The following FHIP1A variants were observed in gnomAD, a reference collection of about 807,000 sequenced individuals.
The protein encoded by FHIP1A is FHF complex subunit HOOK-interacting protein 1A.
FHIP1A carries 61 observed loss-of-function variants against 88.6 expected under a neutral mutation model. That is an observed-to-expected ratio of 0.69 (90% CI 0.56 to 0.85). The LOEUF is 0.85. Among genes scored for constraint, FHIP1A ranks in the 40% least tolerant of loss-of-function variants. The pLI, the probability that FHIP1A is intolerant of heterozygous loss-of-function variation, is 0.00. For missense variants in FHIP1A, 1,154 were observed against 1,273.5 expected (o/e 0.91, Z 1.43); for synonymous variants, 478 against 496.0 (o/e 0.96, Z 0.48).
chr4:151,644,829 C>A (rs1327224627), intron 9 of FHIP1A, among the ~76,000 whole-genome samples: 1 of 152,140 alleles, frequency 6.6e-6, no homozygotes, highest in African/African-American at 2.4e-5. Flanking sequence ...TCCTGTGGTG[C>A]TAGAGCAGCA....
At chr4:151,507,293 T>G (rs1395995503) in intron 3 of FHIP1A, among the ~76,000 whole-genome samples, 2 of 152,150 alleles carry the variant, frequency 1.3e-5, no homozygotes, top group Admixed American at 1.3e-4. Context: ...CTGGCTAATT[T>G]TTAAATTTTT....
intron 4 of FHIP1A, among the ~76,000 whole-genome samples, chr4:151,567,693 T>C (rs143517519): frequency 0.013 from 1,918 of 152,238 alleles, 39 homozygotes; most frequent in African/African-American, 0.044. Flanking sequence ...TTTTAGAAGG[T>C]CTGTTTCTAT....
At chr4:151,551,709 T>C (rs901848408) in intron 3 of FHIP1A, among the ~76,000 whole-genome samples, 1 of 152,174 alleles carries the variant, frequency 6.6e-6, no homozygotes, top group Non-Finnish European at 1.5e-5. Flanking sequence ...ACTTAAATGT[T>C]AGATCTAAAA....
chr4:151,445,598 G>C (rs1728569046), intron 1 of FHIP1A, among the ~76,000 whole-genome samples: 1 of 151,734 alleles, frequency 6.6e-6, no homozygotes, highest in South Asian at 2.1e-4. Context: ...GGCTTATTAT[G>C]AATAATAAAA....
chr4:151,502,808 C>T (rs1420103359), intron 3 of FHIP1A, among the ~76,000 whole-genome samples: 2 of 152,214 alleles, frequency 1.3e-5, no homozygotes, highest in East Asian at 1.9e-4. Flanking sequence ...TAAAAACACT[C>T]TACTGGCTGC....
chr4:151,530,403 ACC>A (rs1731829606), intron 3 of FHIP1A, among the ~76,000 whole-genome samples: 1 of 152,138 alleles, frequency 6.6e-6, no homozygotes, highest in Admixed American at 6.5e-5. Context: ...GAAAGTGGGT[ACC>A]CATGTGGCTC....
At chr4:151,477,576 G>A (rs1729752781) in intron 2 of FHIP1A, among the ~76,000 whole-genome samples, 1 of 148,494 alleles carries the variant, frequency 6.7e-6, no homozygotes, top group South Asian at 2.1e-4. Flanking sequence ...GAAAATTGGG[G>A]AAAATATTTG....
intron 4 of FHIP1A, among the ~76,000 whole-genome samples, chr4:151,574,302 G>A (rs1235416648): frequency 6.6e-6 from 1 of 152,164 alleles, no homozygotes; most frequent in African/African-American, 2.4e-5. Context: ...TATAAAGAGG[G>A]TAAAGATGCT....
At chr4:151,608,636 G>C (rs754390787) in intron 7 of FHIP1A, among the ~76,000 whole-genome samples, 12 of 152,148 alleles carry the variant, frequency 7.9e-5, no homozygotes, top group Non-Finnish European at 1.6e-4. Context: ...TGCTATTAAT[G>C]CTCCTTCGCT....
chr4:151,547,394 A>G (rs1732546154), intron 3 of FHIP1A, among the ~76,000 whole-genome samples: 2 of 152,340 alleles, frequency 1.3e-5, no homozygotes, highest in South Asian at 4.1e-4. Flanking sequence ...TGTTCTTAGA[A>G]CTTTCTTAAA....
intron 5 of FHIP1A, among the ~76,000 whole-genome samples, chr4:151,586,245 A>G (rs1226384040): frequency 6.6e-6 from 1 of 151,992 alleles, no homozygotes; most frequent in Non-Finnish European, 1.5e-5. Context: ...CTGTATTTGC[A>G]CTTGATGTAT....
chr4:151,526,775 C>T (rs1207694227), intron 3 of FHIP1A, among the ~76,000 whole-genome samples: 1 of 149,954 alleles, frequency 6.7e-6, no homozygotes, highest in African/African-American at 2.5e-5. Context: ...GATGGGGCGG[C>T]TGCCGGGCGG....
chr4:151,425,921 A>G (rs1382331792), intron 1 of FHIP1A, among the ~76,000 whole-genome samples: 5 of 152,144 alleles, frequency 3.3e-5, no homozygotes, highest in Non-Finnish European at 7.3e-5. Context: ...ATGTTATTGC[A>G]TTTAGGGCCT....
intron 4 of FHIP1A, among the ~76,000 whole-genome samples, chr4:151,566,677 C>T (rs6853342): frequency 0.12 from 18,855 of 151,002 alleles, 1,279 homozygotes; most frequent in African/African-American, 0.18. Context: ...TAATTATATC[C>T]TCTCTCTCTC....
chr4:151,538,125 T>C (rs1355814295), intron 3 of FHIP1A, among the ~76,000 whole-genome samples: 4 of 152,130 alleles, frequency 2.6e-5, no homozygotes, highest in Non-Finnish European at 5.9e-5. Context: ...CCTTAGACCA[T>C]AGTAGTAGTG....
At chr4:151,465,898 C>T (rs181793997) in intron 2 of FHIP1A, among the ~76,000 whole-genome samples, 113 of 152,278 alleles carry the variant, frequency 7.4e-4, no homozygotes, top group African/African-American at 1.9e-3. Context: ...CTATCTATGA[C>T]AAACCCATCC....
rs185683986 is a variant in FHIP1A, at chr4:151,540,724, A to G, written c.-122-25414A>G. ...ATATTAACAGTCAGCTTATATGGCCAAATCTTTGTTCTGCTCCCATTGTAT... is the reference window on the plus strand; with the variant it reads ...ATATTAACAGTCAGCTTATATGGCCGAATCTTTGTTCTGCTCCCATTGTAT... On this transcript the variant is annotated intron_variant, in intron 3 of 13. Transcript: ENST00000435205. 1.6e-3 allele frequency among the ~76,000 whole-genome samples: 243 copies of G among 152,324 alleles called. 1 individual carries two copies. Among genetic ancestry groups the G allele is most frequent in the African/African-American group, 5.3e-3 (222 of 41,566 alleles).
chr4:151,458,444 A>G (rs1203513678), intron 2 of FHIP1A, among the ~76,000 whole-genome samples: 1 of 152,028 alleles, frequency 6.6e-6, no homozygotes, highest in Non-Finnish European at 1.5e-5. Flanking sequence ...GTACTTTGGG[A>G]AGTGATTTCT....
intron 2 of FHIP1A, among the ~76,000 whole-genome samples, chr4:151,460,504 G>A (rs1286698617): frequency 1.3e-5 from 2 of 152,222 alleles, no homozygotes; most frequent in African/African-American, 2.4e-5. Flanking sequence ...AATATTTTAA[G>A]TTTCATATCT....
Sources: gnomAD v4.1 joint callset for allele counts (sites outside exome capture counted in the v4.1 genomes callset) on GRCh38, gnomAD v4.1.1 for gene constraint, MANE v1.5 for transcripts, NCBI Gene and HGNC (gene_info 2026-07-23, HGNC 2026-07-21) for gene names.